Variants in CAMKMT observed in about 807,000 individuals in gnomAD.
CAMKMT encodes the protein CaM KMT.
A neutral mutation model predicts 48.0 loss-of-function variants in CAMKMT; 53 were observed. That is an observed-to-expected ratio of 1.10 (90% confidence interval 0.89 to 1.39). CAMKMT has a LOEUF of 1.39. Among genes scored for constraint, CAMKMT ranks in the 40% most tolerant of loss-of-function variants. The pLI is 0.00. For synonymous variants in CAMKMT, 165 were observed against 152.3 expected, an observed-to-expected ratio of 1.08 and a Z score of -0.61; for missense variants, 428 against 402.7, an observed-to-expected ratio of 1.06 and a Z score of -0.54.
chr2:44,562,466 A>G (rs975941180), intron 3 of CAMKMT, among the ~76,000 whole-genome samples: 4 of 152,162 alleles, frequency 2.6e-5, no homozygotes, highest in Admixed American at 6.5e-5. Flanking sequence ...GGAGGTGAGT[A>G]TTATTATTTC....
intron 3 of CAMKMT, among the ~76,000 whole-genome samples, chr2:44,410,110 G>T (rs527753792): frequency 1.3e-5 from 2 of 149,896 alleles, no homozygotes; most frequent in South Asian, 4.2e-4. Flanking sequence ...GTATGAAACT[G>T]GTAGGGGGTA....
chr2:44,502,552 C>G (rs1670057590), intron 3 of CAMKMT, among the ~76,000 whole-genome samples: 1 of 152,130 alleles, frequency 6.6e-6, no homozygotes. Flanking sequence ...AATGTCTTGC[C>G]TTGATCTGGT....
Position 44,666,612 on chromosome 2 carries a change from C to CTTTTTTTTTTTTTTTTTT in CAMKMT, c.377-37654_377-37653insTTTTTTTTTTTTTTTTTT, listed in dbSNP as rs1293884982. 1.4e-3 allele frequency among the ~76,000 whole-genome samples: 181 copies of CTTTTTTTTTTTTTTTTTT among 133,934 alleles called. 9 individuals are homozygous for CTTTTTTTTTTTTTTTTTT. The highest frequency in any genetic ancestry group is 5.0e-3 in the African/African-American group (169 of 34,114). 87.9% of individuals were successfully genotyped at this position (133,934 alleles called of 152,430 possible). A position where few individuals can be genotyped will look rare whatever the true frequency, so the allele number is the denominator to read the frequency against. On this transcript the variant is annotated intron_variant, in intron 3 of 10. Transcript: ENST00000378494. ...TTGATCTCCTTTTGGCTCCTGGAATCTTTTTTTTTTTTTTTTTGAGACAGA... is the reference window on the plus strand; with the variant it reads ...TTGATCTCCTTTTGGCTCCTGGAATCTTTTTTTTTTTTTTTTTTTTTTTTTTTTTTTTTTTGAGACAGA...
chr2:44,411,958 G>A (rs1067392), intron 3 of CAMKMT, among the ~76,000 whole-genome samples: 2 of 145,846 alleles, frequency 1.4e-5, no homozygotes, highest in Non-Finnish European at 3.0e-5. Context: ...CAATTAATAT[G>A]TAACATGAAC....
chr2:44,688,122 C>T (rs189681787), intron 3 of CAMKMT, among the ~76,000 whole-genome samples: 1 of 151,954 alleles, frequency 6.6e-6, no homozygotes, highest in Admixed American at 6.6e-5. Context: ...AGGCTTTTCC[C>T]AGTGTTGTTT....
chr2:44,756,570 T>G (rs1279063703), intron 9 of CAMKMT, among the ~76,000 whole-genome samples: 1 of 151,440 alleles, frequency 6.6e-6, no homozygotes, highest in Non-Finnish European at 1.5e-5. Context: ...TGAAACCCCG[T>G]CTCTACTGAA....
intron 3 of CAMKMT, among the ~76,000 whole-genome samples, chr2:44,411,550 G>A (rs190381143): frequency 2.0e-5 from 3 of 152,088 alleles, no homozygotes; most frequent in East Asian, 3.9e-4. Context: ...ATAGTCTGTC[G>A]GTGCCTCATG....
chr2:44,737,754 TTCTCTC>T (rs140977311), intron 7 of CAMKMT, among the ~76,000 whole-genome samples: 3 of 149,024 alleles, frequency 2.0e-5, no homozygotes, highest in Non-Finnish European at 4.5e-5. Context: ...CTCTCTCTCT[TTCTCTC>T]TCTCTCTCTC....
In CAMKMT at chr2:44,499,063, G is replaced by A. The variant is rs536265073; in HGVS notation, c.376+108758G>A. Among the ~76,000 whole-genome samples the A allele has an allele frequency of 4.6e-5, 7 of 152,262 alleles. No individual in the cohort carries two copies. In the South Asian group the frequency reaches 8.3e-4, roughly 18 times the overall value. ...TGTAAGAGATCTTATTACTTAAGACGAGTTGCAATTCTGAGATGAGTGACC... is the reference window on the plus strand; with the variant it reads ...TGTAAGAGATCTTATTACTTAAGACAAGTTGCAATTCTGAGATGAGTGACC... On this transcript the variant is annotated intron_variant, in intron 3 of 10. Transcript: ENST00000378494.
chr2:44,548,978 G>C (rs143062051), intron 3 of CAMKMT, among the ~76,000 whole-genome samples: 62 of 152,150 alleles, frequency 4.1e-4, no homozygotes, highest in African/African-American at 1.4e-3. Context: ...AATGAGTGAT[G>C]GTTTAAGCTG....
At chr2:44,603,661 T>C (rs1362769511) in intron 3 of CAMKMT, among the ~76,000 whole-genome samples, 1 of 152,222 alleles carries the variant, frequency 6.6e-6, no homozygotes, top group Non-Finnish European at 1.5e-5. Flanking sequence ...ATGGTCTCAC[T>C]TGATAAATTC....
chr2:44,700,426 A>G (rs987351900), intron 3 of CAMKMT, among the ~76,000 whole-genome samples: 1 of 152,218 alleles, frequency 6.6e-6, no homozygotes, highest in Non-Finnish European at 1.5e-5. Context: ...AGCTTTCAAC[A>G]TGCCTTCTCC....
At chr2:44,627,481 T>C (rs2103955243) in intron 3 of CAMKMT, among the ~76,000 whole-genome samples, 1 of 152,226 alleles carries the variant, frequency 6.6e-6, no homozygotes, top group African/African-American at 2.4e-5. Context: ...CCCTTAATGC[T>C]TGATAGAATT....
At chr2:44,750,799 A>C (rs1486735147) in intron 8 of CAMKMT, among the ~76,000 whole-genome samples, 1 of 152,194 alleles carries the variant, frequency 6.6e-6, no homozygotes, top group Non-Finnish European at 1.5e-5. Context: ...AGATCACCTG[A>C]GGTCAGGAGT....
chr2:44,756,211 G>A (rs1035456692), intron 9 of CAMKMT, among the ~76,000 whole-genome samples: 1 of 152,226 alleles, frequency 6.6e-6, no homozygotes, highest in Non-Finnish European at 1.5e-5. Context: ...CTGTGTTGAT[G>A]GGCTAGGAGG....
At chr2:44,485,215 A>G (rs535900192) in intron 3 of CAMKMT, among the ~76,000 whole-genome samples, 11 of 152,324 alleles carry the variant, frequency 7.2e-5, no homozygotes, top group Admixed American at 6.5e-4. Context: ...AGTAGACCCT[A>G]CAAAAATGTG....
Position 44,362,001 on chromosome 2 carries a change from C to T in CAMKMT, c.-7C>T. 3 of 1,400,222 alleles carry T rather than the reference C, an allele frequency of 2.1e-6. No homozygotes were observed. The highest frequency in any genetic ancestry group is 3.0e-5 in the East Asian group (1 of 32,920). 86.7% of individuals were successfully genotyped at this position (1,400,222 alleles called of 1,614,324 possible). A position where few individuals can be genotyped will look rare whatever the true frequency, so the allele number is the denominator to read the frequency against. Reference sequence around the variant, plus strand: ...TGGCACCTCCGGGTGTGGAAGGCTCCAGTGAGATGGAGTCGCGAGTCGCGG... The same window carrying T: ...TGGCACCTCCGGGTGTGGAAGGCTCTAGTGAGATGGAGTCGCGAGTCGCGG... On this transcript the variant is annotated 5_prime_UTR_variant, in exon 1 of 11. Coordinates refer to ENST00000378494, the MANE Select transcript of CAMKMT (RefSeq NM_024766.5).
In CAMKMT at chr2:44,552,869, G is replaced by A. The variant is rs185850254; in HGVS notation, c.377-151414G>A. ...GGACAGGATAAGTTTATGTCATTTA[G>A]TCAGGACCCTTTCCCCTGATAATCT... On this transcript the variant is annotated intron_variant, in intron 3 of 10. Transcript: ENST00000378494. Among the ~76,000 whole-genome samples, 6 of 152,224 alleles carry A rather than the reference G, an allele frequency of 3.9e-5. No homozygotes were observed. In the East Asian group the frequency reaches 9.7e-4, roughly 25 times the overall value.
chr2:44,621,266 C>CAAAAAAA (rs10667154), intron 3 of CAMKMT, among the ~76,000 whole-genome samples: 4 of 84,510 alleles, frequency 4.7e-5, no homozygotes, highest in African/African-American at 1.1e-4. Flanking sequence ...GACTCCATCT[C>CAAAAAAA]AAAAAAAAAA....
Sources: gnomAD v4.1 joint callset for allele counts (sites outside exome capture counted in the v4.1 genomes callset) on GRCh38, gnomAD v4.1.1 for gene constraint, MANE v1.5 for transcripts, NCBI Gene and HGNC (gene_info 2026-07-23, HGNC 2026-07-21) for gene names.